The following ZNF684 variants were observed in gnomAD, a reference collection of about 807,000 sequenced individuals.
ZNF684 encodes hypothetical protein MGC27466.
Under a neutral mutation model 12.8 loss-of-function variants are expected in ZNF684, and 13 were observed. The ratio of observed to expected loss-of-function variants is 1.02; its 90% CI spans 0.66 to 1.62. ZNF684 has a LOEUF of 1.62. Ranked by LOEUF, ZNF684 falls within the 40% of genes most tolerant of loss-of-function variation. ZNF684 has a pLI of 0.00. For missense variants in ZNF684, 384 were observed against 446.9 expected, an observed-to-expected ratio of 0.86 and a Z score of 1.27; for synonymous variants, 118 against 151.8, an observed-to-expected ratio of 0.78 and a Z score of 1.64.
chr1:40,540,451 A>C, intron 2 of ZNF684, 135 bp from the exon 3 acceptor site: 1 of 925,810 alleles, frequency 1.1e-6, no homozygotes, highest in Admixed American at 3.0e-5. Context: ...TTTCCGAATC[A>C]AGCATGTAAT....
At chr1:40,544,334 A>G (rs1473615096) in intron 4 of ZNF684, 8 of 404,086 alleles carry the variant, frequency 2.0e-5, no homozygotes, top group Non-Finnish European at 3.9e-5. Flanking sequence ...GGAAAACAAT[A>G]TATAAATAAA....
intron 3 of ZNF684, 54 bp from the exon 4 acceptor site, chr1:40,541,561 T>C: frequency 2.1e-6 from 3 of 1,438,544 alleles, no homozygotes; most frequent in Non-Finnish European, 2.9e-6. Context: ...AGTTGTGAGC[T>C]GGTTGTTTGC....
At chr1:40,546,047 T>C (rs1646045294) in intron 4 of ZNF684, among the ~76,000 whole-genome samples, 1 of 150,016 alleles carries the variant, frequency 6.7e-6, no homozygotes, top group Admixed American at 6.7e-5. Context: ...CACAGCCTCC[T>C]GAGTAGCTGG....
intron 2 of ZNF684, among the ~76,000 whole-genome samples, chr1:40,533,628 G>A (rs1645968856): frequency 6.6e-6 from 1 of 152,100 alleles, no homozygotes; most frequent in Non-Finnish European, 1.5e-5. Context: ...TAAGAACATA[G>A]TGCCAAGCAG....
intron 4 of ZNF684, among the ~76,000 whole-genome samples, chr1:40,545,743 A>G (rs1036662383): frequency 2.6e-5 from 4 of 152,060 alleles, no homozygotes; most frequent in African/African-American, 9.7e-5. Context: ...GATACTGTGC[A>G]GAATGATTAA....
chr1:40,534,452 G>A (rs1038210743), intron 2 of ZNF684, among the ~76,000 whole-genome samples: 4 of 151,082 alleles, frequency 2.6e-5, no homozygotes, highest in Non-Finnish European at 5.9e-5. Flanking sequence ...TGTTGGTCAG[G>A]CTGGTCTCGA....
rs1484363017 is a variant in ZNF684, at chr1:40,535,598, T to G, written c.15+2417T>G. ...TGTATTCTAGTAGATAGTTGTTTTT[T>G]TTTTATTTTGTTTTTAATCAAGTTA... is the stretch of plus-strand genomic sequence containing the variant. On this transcript the variant is annotated intron_variant, in intron 2 of 4. Transcript: ENST00000372699. Among the ~76,000 whole-genome samples the G allele has an allele frequency of 2.0e-5, 3 of 148,426 alleles. No individual in the cohort carries two copies. In the East Asian group the frequency reaches 5.8e-4, roughly 29 times the overall value.
At chr1:40,532,373 T>TA (rs1557603716) in intron 1 of ZNF684, among the ~76,000 whole-genome samples, 5 of 151,634 alleles carry the variant, frequency 3.3e-5, no homozygotes, top group African/African-American at 9.7e-5. Flanking sequence ...TTTTTTTTTT[T>TA]ACAGTATAGC....
intron 4 of ZNF684, 140 bp downstream of exon 4, chr1:40,541,850 CA>C: frequency 1.6e-6 from 1 of 632,406 alleles, no homozygotes; most frequent in Non-Finnish European, 2.8e-6. Flanking sequence ...GCCAGCTCCC[CA>C]AAAGCTGCCT....
rs1646053215 is a variant in ZNF684, at chr1:40,547,076, A to T, written c.753A>T (p.Thr251=). 1 of 1,614,092 alleles carries T rather than the reference A, an allele frequency of 6.2e-7. No individual in the cohort carries two copies. The highest frequency in any genetic ancestry group is 1.3e-5 in the African/African-American group (1 of 74,930). ...KPYECSQCGK[T]FTWNSSFNQH... is the part of the protein sequence containing the mutation. ...ATGAGTGCAGTCAATGTGGGAAAAC[A>T]TTCACTTGGAACTCCTCATTTAATC... The change falls in exon 5 of 5, where the codon ACA becomes ACT. Residue 251 remains threonine, a synonymous_variant. Transcript: ENST00000372699.
In ZNF684 at chr1:40,540,601, C is replaced by A; in HGVS notation, c.31C>A (p.Gln11Lys). The A allele has an allele frequency of 6.2e-7, 1 of 1,602,548 alleles. No individual in the cohort carries two copies. Reference sequence around the variant, plus strand: ...GCTGTTACAGGAATCAGTGACATTCCAGGATGTGGCTGTGGATTTCACTGC... The same window carrying A: ...GCTGTTACAGGAATCAGTGACATTCAAGGATGTGGCTGTGGATTTCACTGC... Reference protein sequence around the residue: MISFQESVTFQDVAVDFTAEE... With the variant: MISFQESVTFKDVAVDFTAEE... Residue 11 changes from glutamine (Q) to lysine (K), a missense_variant, in exon 3 of 5, where the codon CAG becomes AAG. Coordinates refer to ENST00000372699, the MANE Select transcript of ZNF684 (RefSeq NM_152373.4).
At chr1:40,541,803 C>T in intron 4 of ZNF684, 93 bp downstream of exon 4, 1 of 1,012,378 alleles carries the variant, frequency 9.9e-7, no homozygotes, top group Non-Finnish European at 1.5e-6. Context: ...TTAGAAGCAC[C>T]TCTTAAAAGC....
intron 4 of ZNF684, among the ~76,000 whole-genome samples, chr1:40,545,820 GTAGTGATTTATA>G (rs1293257584): frequency 4.0e-5 from 6 of 150,774 alleles, no homozygotes; most frequent in Non-Finnish European, 8.8e-5. Context: ...AATTAATTAT[GTAGTGATTTATA>G]TAACTCTGCC....
chr1:40,547,385 C>G lies in ZNF684; in HGVS notation c.1062C>G (p.Pro354=), dbSNP rs1210702570. 4 of 1,613,910 alleles carry G rather than the reference C, an allele frequency of 2.5e-6. No individual in the cohort carries two copies. Among genetic ancestry groups the G allele is most frequent in the Non-Finnish European group, 3.4e-6 (4 of 1,179,988 alleles). Residue 354 remains proline (P), a synonymous_variant, in exon 5 of 5, where the codon CCC becomes CCG. Coordinates refer to ENST00000372699, the MANE Select transcript of ZNF684 (RefSeq NM_152373.4). ...AGATAACTCATACAGGAGAGAAGCC[C>G]TATGAATGTAACAGATGTGGGAAAG... is the stretch of plus-strand genomic sequence containing the variant. ...RHQITHTGEK[P]YECNRCGKAF... is the part of the protein sequence containing the mutation.
At chr1:40,546,461 C>CAAAG in intron 4 of ZNF684, 101 bp from the exon 5 acceptor site, 1 of 1,191,984 alleles carries the variant, frequency 8.4e-7, no homozygotes, top group Non-Finnish European at 1.1e-6. Flanking sequence ...TATAAGATTT[C>CAAAG]TTTCAGAATG....
intron 3 of ZNF684, 131 bp downstream of exon 3, chr1:40,540,843 G>T: frequency 8.5e-6 from 8 of 944,438 alleles, no homozygotes; most frequent in Non-Finnish European, 1.2e-5. Context: ...GGAGGCAGGA[G>T]AATTGCTTGA....
At chr1:40,537,755 T>A (rs6660627) in intron 2 of ZNF684, among the ~76,000 whole-genome samples, 2,099 of 151,672 alleles carry the variant, frequency 0.014, 18 homozygotes, top group African/African-American at 0.026. Context: ...AAAAAAAAAA[T>A]AACAATTGTA....
intron 2 of ZNF684, among the ~76,000 whole-genome samples, chr1:40,535,979 C>A (rs896009072): frequency 6.6e-6 from 1 of 152,198 alleles, no homozygotes; most frequent in African/African-American, 2.4e-5. Flanking sequence ...GTTACAGTTT[C>A]CTAATCCCTG....
chr1:40,541,444 A>G, intron 3 of ZNF684, 171 bp from the exon 4 acceptor site: 2 of 487,886 alleles, frequency 4.1e-6, no homozygotes, highest in South Asian at 4.2e-5. Context: ...CAGCCTTCCA[A>G]AGTGTTCGGA....
Sources: gnomAD v4.1 joint callset for allele counts (sites outside exome capture counted in the v4.1 genomes callset) on GRCh38, gnomAD v4.1.1 for gene constraint, MANE v1.5 for transcripts, NCBI Gene and HGNC (gene_info 2026-07-23, HGNC 2026-07-21) for gene names.